SH3D19: variants seen among roughly 807,000 people sequenced by gnomAD.
SH3D19 encodes SH3 domain containing 19, also known as SH3 domain-containing protein 19.
In SH3D19, 58 loss-of-function variants were observed where a neutral mutation model predicts 112.1. The observed-to-expected ratio is 0.52, with a 90% confidence interval of 0.42 to 0.64. The LOEUF is 0.64. SH3D19 is among the 30% of genes least tolerant of loss of function. The probability of loss-of-function intolerance (pLI) is 0.00; values close to 1 mark genes in which losing one functional copy is unlikely to be tolerated. For missense variants in SH3D19, 1,090 were observed against 1,263.4 expected (o/e 0.86, Z 2.08); for synonymous variants, 391 against 448.5 (o/e 0.87, Z 1.62).
intron 8 of SH3D19, among the ~76,000 whole-genome samples, chr4:151,159,642 T>G (rs1356090428): frequency 2.0e-5 from 3 of 152,242 alleles, no homozygotes; most frequent in Non-Finnish European, 4.4e-5. Context: ...AGGCTCTATA[T>G]TTACATACAT....
chr4:151,238,167 CCTCA>C (rs1770274685), intron 1 of SH3D19, among the ~76,000 whole-genome samples: 2 of 152,090 alleles, frequency 1.3e-5, no homozygotes, highest in African/African-American at 4.8e-5. Context: ...GGGTTTTAGT[CCTCA>C]CTGTCATTTT....
chr4:151,312,648 C>T (rs933051231), intron 1 of SH3D19, among the ~76,000 whole-genome samples: 2 of 152,088 alleles, frequency 1.3e-5, no homozygotes, highest in African/African-American at 2.4e-5. Flanking sequence ...CCTGTAATCA[C>T]GGCACTTTGG....
intron 1 of SH3D19, chr4:151,279,896 T>C: frequency 6.2e-7 from 1 of 1,613,804 alleles, no homozygotes; most frequent in Non-Finnish European, 8.5e-7. Context: ...ACCACAACTT[T>C]ATCTGTGGAG....
chr4:151,141,341 G>A (rs1440709840), intron 12 of SH3D19, among the ~76,000 whole-genome samples: 1 of 152,128 alleles, frequency 6.6e-6, no homozygotes, highest in Non-Finnish European at 1.5e-5. Context: ...GCCCAGGCTG[G>A]TCTCAAATTC....
intron 1 of SH3D19, among the ~76,000 whole-genome samples, chr4:151,318,490 T>C (rs1289196933): frequency 1.3e-5 from 2 of 152,066 alleles, no homozygotes. Flanking sequence ...GCAACTACAT[T>C]TGATTATTAA....
intron 2 of SH3D19, among the ~76,000 whole-genome samples, chr4:151,211,740 T>C (rs1227144783): frequency 1.3e-5 from 2 of 152,166 alleles, no homozygotes; most frequent in African/African-American, 4.8e-5. Context: ...CAAAACCTAA[T>C]CTAAAGCAAG....
chr4:151,176,383 C>A (rs1759967739), intron 6 of SH3D19, 151 bp downstream of exon 6: 4 of 514,122 alleles, frequency 7.8e-6, no homozygotes, highest in African/African-American at 2.0e-5. Flanking sequence ...ACTGCACACC[C>A]AAATAAAGCA....
chr4:151,149,534 C>G lies in SH3D19; in HGVS notation c.1783G>C (p.Gly595Arg). ...LESNHPGQTGGFVRVPPRLPP... is the reference protein window; with the variant it reads ...LESNHPGQTGRFVRVPPRLPP... Reference sequence around the variant, plus strand: ...AACCTTGGGGGTACTCGCACAAAACCTCCTGTTTGACCTGGGTGGTTGGAT... The same window carrying G: ...AACCTTGGGGGTACTCGCACAAAACGTCCTGTTTGACCTGGGTGGTTGGAT... Residue 595 changes from glycine (G) to arginine (R), a missense_variant, in exon 10 of 20, where the codon GGT becomes CGT. Gly to Arg is a moderately radical substitution (Grantham distance 125, BLOSUM62 -2). Transcript: ENST00000604030. 2 of 1,611,710 alleles carry G rather than the reference C, an allele frequency of 1.2e-6. No homozygotes were observed. The highest frequency in any genetic ancestry group is 1.7e-6 in the Non-Finnish European group (2 of 1,178,840).
At chr4:151,137,989 A>G (rs186720976) in intron 13 of SH3D19, 127 bp from the exon 14 acceptor site, 1 of 653,236 alleles carries the variant, frequency 1.5e-6, no homozygotes, top group Non-Finnish European at 2.3e-6. Context: ...AACAGATTAT[A>G]CTAATCAAAT....
chr4:151,265,594 A>T (rs1192725164), intron 1 of SH3D19, among the ~76,000 whole-genome samples: 5 of 63,954 alleles, frequency 7.8e-5, no homozygotes, highest in East Asian at 4.1e-4. Context: ...TTTTTTTTTT[A>T]AAGACAGAGT....
chr4:151,180,550 G>A (rs890751862), intron 3 of SH3D19, among the ~76,000 whole-genome samples: 4 of 151,278 alleles, frequency 2.6e-5, no homozygotes, highest in Admixed American at 2.0e-4. Context: ...GGGACTACAG[G>A]CGCCCGCGAC....
chr4:151,318,980 A>G (rs1170344222), intron 1 of SH3D19, among the ~76,000 whole-genome samples: 1 of 152,184 alleles, frequency 6.6e-6, no homozygotes, highest in African/African-American at 2.4e-5. Flanking sequence ...CCTATTTTAT[A>G]TATCTCTTTG....
intron 1 of SH3D19, among the ~76,000 whole-genome samples, chr4:151,303,985 AT>A (rs112471104): frequency 0.01 from 1,461 of 143,514 alleles, 15 homozygotes; most frequent in African/African-American, 0.031. Flanking sequence ...ATAAAAGCAG[AT>A]TTTTTTTTTT....
At chr4:151,264,849 A>G (rs1772650535) in intron 1 of SH3D19, among the ~76,000 whole-genome samples, 2 of 152,164 alleles carry the variant, frequency 1.3e-5, no homozygotes, top group Admixed American at 1.3e-4. Context: ...TGCTGACCAG[A>G]GCTGAGTTGG....
intron 13 of SH3D19, 60 bp from the exon 14 acceptor site, chr4:151,137,922 G>A: frequency 7.0e-7 from 1 of 1,430,316 alleles, no homozygotes; most frequent in Non-Finnish European, 9.4e-7. Flanking sequence ...TTTGATAAAA[G>A]CACAAAGTAG....
At chr4:151,320,444 G>A (rs952996777) in intron 1 of SH3D19, among the ~76,000 whole-genome samples, 1 of 152,130 alleles carries the variant, frequency 6.6e-6, no homozygotes, top group Admixed American at 6.6e-5. Context: ...AGGAAATATA[G>A]GAGAATATTT....
At chr4:151,264,792 T>C (rs1772646726) in intron 1 of SH3D19, among the ~76,000 whole-genome samples, 1 of 152,324 alleles carries the variant, frequency 6.6e-6, no homozygotes, top group African/African-American at 2.4e-5. Flanking sequence ...TTTCTTTTTT[T>C]CCTTTTTTTC....
At chr4:151,144,550 T>G in intron 11 of SH3D19, 1 of 467,464 alleles carries the variant, frequency 2.1e-6, no homozygotes, top group South Asian at 3.1e-5. Flanking sequence ...AACCAGGAAG[T>G]TCTGTTCTAC....
intron 17 of SH3D19, among the ~76,000 whole-genome samples, chr4:151,129,144 A>G (rs908669652): frequency 7.9e-5 from 12 of 152,362 alleles, no homozygotes; most frequent in East Asian, 3.9e-4. Context: ...ATTCAGAGAC[A>G]ATTAGAGTCC....
Sources: allele counts gnomAD v4.1 joint callset (sites outside exome capture counted in the v4.1 genomes callset), GRCh38; gene constraint gnomAD v4.1.1; transcripts MANE v1.5; gene names NCBI Gene and HGNC (gene_info 2026-07-23, HGNC 2026-07-21).